Variants in ECE1 observed in about 807,000 individuals in gnomAD.
The protein encoded by ECE1 is endothelin-converting enzyme 1.
A neutral mutation model predicts 98.6 loss-of-function variants in ECE1; 35 were observed. The observed-to-expected ratio is 0.35, with a 90% CI of 0.27 to 0.47. The LOEUF (loss-of-function observed/expected upper bound fraction) is 0.47, where lower values mean the gene tolerates loss of function less well. Ranked by LOEUF, ECE1 falls within the 20% of genes least tolerant of loss-of-function variation. The pLI, the probability that ECE1 is intolerant of heterozygous loss-of-function variation, is 1.00. For missense variants in ECE1, 814 were observed against 1,025.3 expected (o/e 0.79, Z 2.81); for synonymous variants, 394 against 407.1 (o/e 0.97, Z 0.39).
At chr1:21,336,755 A>C (rs1277035185) in intron 1 of ECE1, among the ~76,000 whole-genome samples, 1 of 152,168 alleles carries the variant, frequency 6.6e-6, no homozygotes, top group African/African-American at 2.4e-5. Flanking sequence ...AGGCAGGAGA[A>C]TGGCGTGAAC....
chr1:21,236,879 GC>G, intron 11 of ECE1, 35 bp from the exon 12 acceptor site: 1 of 1,578,510 alleles, frequency 6.3e-7, no homozygotes, highest in South Asian at 1.1e-5. Context: ...TAAGGTCTGC[GC>G]ACTGGTCTCA....
At chr1:21,286,931 A>G (rs1275055547) in intron 2 of ECE1, among the ~76,000 whole-genome samples, 1 of 151,904 alleles carries the variant, frequency 6.6e-6, no homozygotes, top group Non-Finnish European at 1.5e-5. Flanking sequence ...AAAGAAAAAA[A>G]AAAAAGAAAA....
chr1:21,322,830 A>C lies in ECE1; in HGVS notation c.3+22546T>G, dbSNP rs1638994053. Among the ~76,000 whole-genome samples the C allele has an allele frequency of 6.6e-6, 1 of 152,144 alleles. No homozygotes were observed. ...GAAGGGAAGTGGGCATGGCCCCCGG[A>C]AGAGGACGCACATGGATCCGCCCTC... On this transcript the variant is annotated intron_variant, in intron 1 of 18. Transcript: ENST00000415912. This position sits in a 1 kb window ranked among gnomAD's most constrained non-coding sequence, Gnocchi z 4.1.
rs576866109 is a variant in ECE1, at chr1:21,250,963, C to T, written c.1021-3600G>A. On this transcript the variant is annotated intron_variant, in intron 8 of 18. Transcript: ENST00000374893. ...CAGAGCTTGCAGTGAGCGGGGATCG[C>T]GCCACTGCACTCCAGCCTGGGCGAC... Among the ~76,000 whole-genome samples, 57 of 144,458 alleles carry T rather than the reference C, an allele frequency of 3.9e-4. No homozygotes were observed. In the South Asian group the frequency reaches 5.0e-3, roughly 13 times the overall value. 94.8% of individuals were successfully genotyped at this position (144,458 alleles called of 152,430 possible).
chr1:21,221,957 G>A (rs28368045), intron 17 of ECE1, 115 bp from the exon 18 acceptor site: 8 of 931,260 alleles, frequency 8.6e-6, no homozygotes, highest in East Asian at 2.4e-5. Flanking sequence ...AGTTTCTGGG[G>A]ATCTGGGCCT....
At chr1:21,294,200 T>C (rs1638286204), upstream of ECE1, 1 of 152,524 alleles carries the variant, frequency 6.6e-6, no homozygotes, top group Non-Finnish European at 1.5e-5. The surrounding 1 kb of genome is among the most constrained non-coding windows in gnomAD (Gnocchi z 4.2). Flanking sequence ...AAGATGGAAC[T>C]GCTTCTTCAG....
chr1:21,263,373 T>C (rs2098229622), intron 4 of ECE1, among the ~76,000 whole-genome samples: 1 of 151,652 alleles, frequency 6.6e-6, no homozygotes, highest in African/African-American at 2.4e-5. Context: ...TTTTTTTTTT[T>C]TTGAGACAGA....
At chr1:21,326,900 G>A (rs1482036969) in intron 1 of ECE1, among the ~76,000 whole-genome samples, 2 of 152,174 alleles carry the variant, frequency 1.3e-5, no homozygotes, top group African/African-American at 4.8e-5. Flanking sequence ...CAGGGCATCA[G>A]CTCGGGTCCC....
At chr1:21,244,629 A>C (rs1281809906) in intron 10 of ECE1, among the ~76,000 whole-genome samples, 1 of 152,152 alleles carries the variant, frequency 6.6e-6, no homozygotes, top group Non-Finnish European at 1.5e-5. Context: ...AACACTGAAC[A>C]GTCGCGTGGT....
At position 21,345,321 on chromosome 1, in the gene ECE1, C is replaced by T. The variant is rs886649258; in HGVS notation, c.3+55G>A. The T allele has an allele frequency of 9.8e-5, 132 of 1,346,452 alleles. No homozygotes were observed. Among genetic ancestry groups the T allele is most frequent in the Non-Finnish European group, 1.1e-4 (119 of 1,040,992 alleles). The allele number at this position is 1,346,452 out of a possible 1,614,324, so 83.4% of individuals were successfully genotyped here. ...CGGGTGCCACCCGCGGCACCGCTGCCCGCGACCGTCGAGGCTGGGCTGGAC... is the reference window on the plus strand; with the variant it reads ...CGGGTGCCACCCGCGGCACCGCTGCTCGCGACCGTCGAGGCTGGGCTGGAC... On this transcript the variant is annotated intron_variant, in intron 1 of 18. Coordinates refer to the ECE1 transcript ENST00000415912. This position sits in a 1 kb window ranked among gnomAD's most constrained non-coding sequence, Gnocchi z 5.1.
chr1:21,297,582 A>C (rs372166935), intron 1 of ECE1, among the ~76,000 whole-genome samples: 1 of 135,952 alleles, frequency 7.4e-6, no homozygotes, highest in South Asian at 2.3e-4. Flanking sequence ...CCCAGGCTGG[A>C]GTACAGTCAC....
At chr1:21,230,608 G>T (rs555575689) in intron 14 of ECE1, among the ~76,000 whole-genome samples, 1 of 152,148 alleles carries the variant, frequency 6.6e-6, no homozygotes, top group Admixed American at 6.5e-5. Flanking sequence ...TGCTTGTCTT[G>T]AACTCCTGAC....
At chr1:21,283,741 A>G (rs1569648011) in intron 2 of ECE1, among the ~76,000 whole-genome samples, 2 of 152,360 alleles carry the variant, frequency 1.3e-5, no homozygotes, top group African/African-American at 4.8e-5. Context: ...TCACTGTTTG[A>G]TGCAAAGTGC....
At chr1:21,299,348 C>CA in intron 1 of ECE1, 1 of 163,142 alleles carries the variant, frequency 6.1e-6, no homozygotes, top group African/African-American at 2.4e-5. Context: ...ATGATGACCT[C>CA]ATGATGTACT....
intron 2 of ECE1, among the ~76,000 whole-genome samples, chr1:21,283,587 C>G (rs888058682): frequency 2.6e-5 from 4 of 152,010 alleles, no homozygotes; most frequent in African/African-American, 9.7e-5. Flanking sequence ...CACAACATTC[C>G]TAAGAGTAGG....
intron 1 of ECE1, among the ~76,000 whole-genome samples, chr1:21,310,563 A>C (rs1343253581): frequency 6.6e-6 from 1 of 152,150 alleles, no homozygotes; most frequent in Non-Finnish European, 1.5e-5. Context: ...CTGTTAGCAG[A>C]AGAAAGGCAA....
At chr1:21,243,400 T>TAA (rs10596193) in intron 10 of ECE1, among the ~76,000 whole-genome samples, 9 of 142,620 alleles carry the variant, frequency 6.3e-5, no homozygotes, top group Non-Finnish European at 9.3e-5. Context: ...ATAAATATAT[T>TAA]AAAAAAAAAA....
chr1:21,272,621 C>T (rs2098241539), intron 4 of ECE1, 78 bp downstream of exon 4: 7 of 1,560,248 alleles, frequency 4.5e-6, no homozygotes, highest in African/African-American at 1.4e-5. Context: ...TTTAAGCAGG[C>T]GCAGCTGGGA....
intron 1 of ECE1, among the ~76,000 whole-genome samples, chr1:21,342,889 C>T (rs1213873768): frequency 2.6e-5 from 4 of 152,168 alleles, no homozygotes; most frequent in Non-Finnish European, 2.9e-5. Flanking sequence ...CATGCACCGC[C>T]GGTCAACAAT....
Sources: allele counts gnomAD v4.1 joint callset (sites outside exome capture counted in the v4.1 genomes callset), GRCh38; gene constraint gnomAD v4.1.1; non-coding constraint Gnocchi (gnomAD v3.1); transcripts MANE v1.5; gene names NCBI Gene and HGNC (gene_info 2026-07-23, HGNC 2026-07-21).